The following ESR1 variants were observed in gnomAD, a reference collection of about 807,000 sequenced individuals.
The protein encoded by ESR1 is estrogen receptor.
Under a neutral mutation model 52.7 loss-of-function variants are expected in ESR1, and 12 were observed. The ratio of observed to expected loss-of-function variants is 0.23; its 90% CI spans 0.15 to 0.37. The LOEUF (loss-of-function observed/expected upper bound fraction) is 0.37. Ranked by LOEUF, ESR1 falls within the 10% of genes least tolerant of loss-of-function variation. The pLI is 1.00. For missense variants in ESR1, 584 were observed against 779.7 expected, an observed-to-expected ratio of 0.75 and a Z score of 2.99; for synonymous variants, 305 against 316.8, an observed-to-expected ratio of 0.96 and a Z score of 0.39.
At chr6:152,114,476 G>A (rs2152514274) in intron 6 of ESR1, among the ~76,000 whole-genome samples, 1 of 152,224 alleles carries the variant, frequency 6.6e-6, no homozygotes, top group Admixed American at 6.5e-5. Flanking sequence ...CTTATGCCAT[G>A]AAACCAACCA....
chr6:151,712,121 T>A (rs763581110), intron 2 of ESR1, among the ~76,000 whole-genome samples: 3 of 152,202 alleles, frequency 2.0e-5, no homozygotes, highest in Non-Finnish European at 4.4e-5. Flanking sequence ...CATTGCTTGT[T>A]TTTGTCAGGT....
intron 1 of ESR1, among the ~76,000 whole-genome samples, chr6:151,823,450 T>C (rs546838584): frequency 6.6e-6 from 1 of 152,086 alleles, no homozygotes; most frequent in Non-Finnish European, 1.5e-5. Flanking sequence ...CTATTATTTG[T>C]TTTTTGTTTT....
intron 2 of ESR1, among the ~76,000 whole-genome samples, chr6:151,854,170 T>A (rs1233036978): frequency 6.6e-6 from 1 of 152,208 alleles, no homozygotes; most frequent in Non-Finnish European, 1.5e-5. Flanking sequence ...TATACTACAC[T>A]ATGTCAGCAC....
At chr6:151,981,491 G>A (rs1188617279) in intron 4 of ESR1, among the ~76,000 whole-genome samples, 1 of 152,132 alleles carries the variant, frequency 6.6e-6, no homozygotes, top group Non-Finnish European at 1.5e-5. Flanking sequence ...CGACCCAAGG[G>A]AAATATCAAG....
chr6:151,894,862 C>T (rs907167573), intron 3 of ESR1, among the ~76,000 whole-genome samples: 1 of 151,958 alleles, frequency 6.6e-6, no homozygotes, highest in Non-Finnish European at 1.5e-5. Flanking sequence ...CTTACTTTGG[C>T]TATGTGGGCT....
In ESR1 at chr6:152,101,970, C is replaced by G. The variant is rs1386812095; in HGVS notation, c.*3004C>G. 1.9e-5 allele frequency: 4 copies of G among 215,890 alleles called. No individual in the cohort carries two copies. In the Admixed American group the frequency reaches 2.3e-4, roughly 13 times the overall value. 13.4% of individuals were successfully genotyped at this position (215,890 alleles called of 1,614,324 possible). On this transcript the variant is annotated 3_prime_UTR_variant, in exon 8 of 8. Coordinates refer to ENST00000206249, the MANE Select transcript of ESR1 (RefSeq NM_000125.4). ...TAAAGTCCATGGAATAGCTAGTGGT[C>G]TGTGTTTCTTTTCGCCATTGCCTAG... is the stretch of plus-strand genomic sequence containing the variant.
At chr6:151,698,502 CTG>C (rs1306962735) in intron 1 of ESR1, among the ~76,000 whole-genome samples, 3 of 152,044 alleles carry the variant, frequency 2.0e-5, no homozygotes, top group African/African-American at 4.8e-5. Context: ...GAAAGGAAAA[CTG>C]TGATCTCTCC....
chr6:151,809,656 A>G (rs1388307627), intron 1 of ESR1, among the ~76,000 whole-genome samples: 2 of 152,210 alleles, frequency 1.3e-5, no homozygotes, highest in South Asian at 2.1e-4. Flanking sequence ...GTTTGGCCCC[A>G]GAGGATACTG....
chr6:152,027,245 G>A (rs2044230536), intron 5 of ESR1, among the ~76,000 whole-genome samples: 1 of 152,078 alleles, frequency 6.6e-6, no homozygotes, highest in Non-Finnish European at 1.5e-5. Context: ...GATTACAGGT[G>A]TAAGCCACCG....
chr6:151,760,708 C>T (rs1361041864), intron 2 of ESR1, among the ~76,000 whole-genome samples: 1 of 152,166 alleles, frequency 6.6e-6, no homozygotes, highest in Non-Finnish European at 1.5e-5. Context: ...CTGCTCTTCC[C>T]CATCGCAACC....
intron 1 of ESR1, among the ~76,000 whole-genome samples, chr6:151,700,358 G>T (rs1421436456): frequency 6.6e-6 from 1 of 151,946 alleles, no homozygotes; most frequent in Non-Finnish European, 1.5e-5. Flanking sequence ...AAATTCTGAG[G>T]CTCTGACCTT....
chr6:151,693,056 T>C (rs1435756766), intron 1 of ESR1, among the ~76,000 whole-genome samples: 3 of 152,204 alleles, frequency 2.0e-5, no homozygotes, highest in Non-Finnish European at 4.4e-5. Flanking sequence ...GGCAGATTAT[T>C]TAACCTCATG....
chr6:151,695,234 A>T (rs862346), intron 1 of ESR1, among the ~76,000 whole-genome samples: 66,718 of 151,946 alleles, frequency 0.44, 15,213 homozygotes, highest in African/African-American at 0.53. Flanking sequence ...CTTCATTTGG[A>T]TTTAGTCTCC....
chr6:152,101,035 T>G lies in ESR1; in HGVS notation c.*2069T>G, dbSNP rs1231905883. The G allele has an allele frequency of 1.8e-5, 2 of 108,188 alleles. No homozygotes were observed. The highest frequency in any genetic ancestry group is 3.8e-5 in the Non-Finnish European group (2 of 52,454). 6.7% of individuals were successfully genotyped at this position (108,188 alleles called of 1,614,324 possible). On this transcript the variant is annotated 3_prime_UTR_variant, in exon 8 of 8. Coordinates refer to ENST00000206249, the MANE Select transcript of ESR1 (RefSeq NM_000125.4). ...GCAAAAACCAAGGAAAAATATTTAG[T>G]TTTTTTTTTTTTTTTTGTATACTTT...
chr6:151,686,064 ATTTTTTTTTT>A (rs557270210), upstream of ESR1, among the ~76,000 whole-genome samples: 10 of 114,340 alleles, frequency 8.7e-5, no homozygotes, highest in African/African-American at 2.1e-4. Flanking sequence ...AATTAAAACA[ATTTTTTTTTT>A]TTTTTTTTTT....
intron 1 of ESR1, among the ~76,000 whole-genome samples, chr6:151,837,305 G>A (rs1022913501): frequency 6.6e-6 from 1 of 151,448 alleles, no homozygotes; most frequent in African/African-American, 2.4e-5. Context: ...TCACCATCTC[G>A]GCCAGGCTGG....
rs2045961695 is a variant in ESR1, at chr6:152,043,372, C to T, written c.1236-17619C>T. ...CTTTATGTTCCTTCTACCATTAGCC[C>T]ACACCCTTAATATCCATTCCCATGC... On this transcript the variant is annotated intron_variant, in intron 5 of 7. Transcript: ENST00000206249. 2.0e-5 allele frequency among the ~76,000 whole-genome samples: 3 copies of T among 152,196 alleles called. No homozygotes were observed. In the South Asian group the frequency reaches 6.2e-4, roughly 31 times the overall value.
chr6:151,803,195 T>G (rs1777434790), upstream of ESR1, among the ~76,000 whole-genome samples: 1 of 152,144 alleles, frequency 6.6e-6, no homozygotes, highest in Non-Finnish European at 1.5e-5. Flanking sequence ...TCAAGGAGCT[T>G]ATGAGCAGCA....
At chr6:151,791,405 T>C (rs1459370714) in intron 2 of ESR1, among the ~76,000 whole-genome samples, 1 of 152,220 alleles carries the variant, frequency 6.6e-6, no homozygotes, top group African/African-American at 2.4e-5. Flanking sequence ...GAAGCGCCTT[T>C]GCTCTTCCTT....
Sources: allele counts gnomAD v4.1 joint callset (sites outside exome capture counted in the v4.1 genomes callset), GRCh38; gene constraint gnomAD v4.1.1; transcripts MANE v1.5; gene names NCBI Gene and HGNC (gene_info 2026-07-23, HGNC 2026-07-21).